ITFG1: variants seen among roughly 807,000 people sequenced by gnomAD.
ITFG1 encodes the protein integrin alpha FG-GAP repeat containing 1.
A neutral mutation model predicts 81.8 loss-of-function variants in ITFG1; 34 were observed. The observed-to-expected ratio is 0.42, with a 90% CI of 0.32 to 0.55. The LOEUF (loss-of-function observed/expected upper bound fraction) is 0.55, where lower values mean the gene tolerates loss of function less well. ITFG1 is among the 20% of genes least tolerant of loss of function. ITFG1 has a pLI of 0.17. For synonymous variants in ITFG1, 285 were observed against 270.6 expected, an observed-to-expected ratio of 1.05 and a Z score of -0.52; for missense variants, 672 against 755.4, an observed-to-expected ratio of 0.89 and a Z score of 1.29.
chr16:47,286,714 CA>C (rs1966871015), intron 10 of ITFG1, among the ~76,000 whole-genome samples: 1 of 152,012 alleles, frequency 6.6e-6, no homozygotes, highest in Admixed American at 6.6e-5. Context: ...CTCAGCAGCC[CA>C]GGAAATAGGT....
At chr16:47,175,280 C>A (rs530138905) in intron 14 of ITFG1, among the ~76,000 whole-genome samples, 1 of 151,298 alleles carries the variant, frequency 6.6e-6, no homozygotes, top group African/African-American at 2.4e-5. Flanking sequence ...ATATTATTAT[C>A]TTTATCATGA....
intron 9 of ITFG1, chr16:47,312,683 A>G: frequency 6.6e-6 from 1 of 152,202 alleles, no homozygotes; most frequent in African/African-American, 2.4e-5. Flanking sequence ...AAATTTCTGA[A>G]GAGGCTGACA....
intron 5 of ITFG1, chr16:47,449,503 A>G (rs184025482): frequency 6.6e-6 from 1 of 152,374 alleles, no homozygotes; most frequent in African/African-American, 2.4e-5. Context: ...GTTAGACTAC[A>G]GTCATTCTAA....
chr16:47,311,506 A>AT, intron 9 of ITFG1, 94 bp from the exon 10 acceptor site: 1 of 985,434 alleles, frequency 1.0e-6, no homozygotes, highest in Non-Finnish European at 1.4e-6. Context: ...TTTCAAGATA[A>AT]GCATTATTTT....
rs1224013024 is a variant in ITFG1, at chr16:47,454,089, A to G, written c.351T>C (p.Leu117=). The G allele has an allele frequency of 6.2e-7, 1 of 1,605,378 alleles. No individual in the cohort carries two copies. Among genetic ancestry groups the G allele is most frequent in the Non-Finnish European group, 8.5e-7 (1 of 1,172,416 alleles). The change falls in exon 3 of 18, where the codon CTT becomes CTC. Residue 117 remains leucine (L), a synonymous_variant. Coordinates refer to ENST00000320640, the MANE Select transcript of ITFG1 (RefSeq NM_030790.5). The part of the protein sequence containing the change: ...DYDGDSQMDV[L]LTYLPKNYAK... ...CATAATTTTTGGGAAGATATGTCAGAAGGACATCCATTTGAGAATCTCCAT... is the reference window on the plus strand; with the variant it reads ...CATAATTTTTGGGAAGATATGTCAGGAGGACATCCATTTGAGAATCTCCAT...
intron 10 of ITFG1, among the ~76,000 whole-genome samples, chr16:47,303,323 C>A (rs1967106909): frequency 6.6e-6 from 1 of 151,832 alleles, no homozygotes; most frequent in Non-Finnish European, 1.5e-5. Flanking sequence ...ATATTCTTTC[C>A]GTATAGTATA....
chr16:47,269,911 C>T (rs985855135), intron 10 of ITFG1, among the ~76,000 whole-genome samples: 1 of 152,126 alleles, frequency 6.6e-6, no homozygotes, highest in African/African-American at 2.4e-5. Flanking sequence ...AAGTGTGGTA[C>T]TGCCACAAAG....
At chr16:47,355,575 T>A (rs377016089) in intron 8 of ITFG1, among the ~76,000 whole-genome samples, 2 of 152,202 alleles carry the variant, frequency 1.3e-5, no homozygotes, top group Admixed American at 6.5e-5. Flanking sequence ...GGTGATAGAT[T>A]TGCTAATTAC....
chr16:47,441,967 G>A (rs907494392), intron 5 of ITFG1, among the ~76,000 whole-genome samples: 14 of 152,150 alleles, frequency 9.2e-5, no homozygotes, highest in Non-Finnish European at 2.1e-4. Context: ...AAGCTGATAA[G>A]CAACTTCAGC....
chr16:47,270,450 A>C (rs1245048796), intron 10 of ITFG1, among the ~76,000 whole-genome samples: 3 of 152,272 alleles, frequency 2.0e-5, no homozygotes, highest in African/African-American at 7.2e-5. Context: ...AAAATTAAAA[A>C]GACCAACCAT....
At chr16:47,379,266 T>C (rs1968364975) in intron 6 of ITFG1, among the ~76,000 whole-genome samples, 1 of 152,186 alleles carries the variant, frequency 6.6e-6, no homozygotes, top group African/African-American at 2.4e-5. Flanking sequence ...TTCTGTCTCA[T>C]GCCGTCCACT....
At chr16:47,347,225 G>A (rs750536731) in intron 8 of ITFG1, among the ~76,000 whole-genome samples, 12 of 152,256 alleles carry the variant, frequency 7.9e-5, no homozygotes, top group Admixed American at 1.3e-4. Context: ...CGCACTGAGC[G>A]TGAGCCGAAG....
chr16:47,171,936 TTA>T (rs939760988), intron 14 of ITFG1, among the ~76,000 whole-genome samples: 2 of 152,168 alleles, frequency 1.3e-5, no homozygotes, highest in African/African-American at 4.8e-5. Context: ...AGATTTTCTT[TTA>T]TGTTTACTGG....
intron 4 of ITFG1, 64 bp downstream of exon 4, chr16:47,452,669 A>G: frequency 9.5e-7 from 1 of 1,054,670 alleles, no homozygotes; most frequent in South Asian, 1.4e-5. Context: ...GTAGTTTCCT[A>G]TGTGAAGATT....
chr16:47,293,708 G>GT (rs796597989), intron 10 of ITFG1, among the ~76,000 whole-genome samples: 6 of 151,458 alleles, frequency 4.0e-5, no homozygotes, highest in African/African-American at 1.2e-4. Context: ...ACTTGTATTT[G>GT]TTTTTTTTGG....
chr16:47,290,259 G>A (rs1379788780), intron 10 of ITFG1, among the ~76,000 whole-genome samples: 1 of 152,128 alleles, frequency 6.6e-6, no homozygotes, highest in African/African-American at 2.4e-5. Flanking sequence ...ACCCTGGAGA[G>A]TGCTGATGGA....
intron 10 of ITFG1, among the ~76,000 whole-genome samples, chr16:47,268,331 G>C (rs974802323): frequency 6.6e-6 from 1 of 152,082 alleles, no homozygotes; most frequent in African/African-American, 2.4e-5. Flanking sequence ...AAACACCAAA[G>C]CTTACTCAAG....
intron 6 of ITFG1, among the ~76,000 whole-genome samples, chr16:47,402,588 T>C (rs892131554): frequency 2.0e-5 from 3 of 152,196 alleles, no homozygotes; most frequent in African/African-American, 7.2e-5. Flanking sequence ...TGTTCACTTA[T>C]CCCTCTGGGA....
chr16:47,195,449 T>C (rs1422977971), intron 14 of ITFG1, among the ~76,000 whole-genome samples: 2 of 152,232 alleles, frequency 1.3e-5, no homozygotes, highest in African/African-American at 4.8e-5. Flanking sequence ...TTTATCCATA[T>C]GCCACAATCA....
Sources: allele counts gnomAD v4.1 joint callset (sites outside exome capture counted in the v4.1 genomes callset), GRCh38; gene constraint gnomAD v4.1.1; transcripts MANE v1.5; gene names NCBI Gene and HGNC (gene_info 2026-07-23, HGNC 2026-07-21).